NBPF26: variants seen among roughly 807,000 people sequenced by gnomAD.
NBPF26 encodes NBPF family member NBPF26.
NBPF26 carries 79 observed loss-of-function variants against 119.6 expected under a neutral mutation model. The observed-to-expected ratio is 0.66, with a 90% CI of 0.55 to 0.80. The LOEUF (loss-of-function observed/expected upper bound fraction) is 0.80. NBPF26 is among the 30% of genes least tolerant of loss of function. NBPF26 has a pLI of 0.00. For missense variants in NBPF26, 800 were observed against 1,198.2 expected (o/e 0.67, Z 4.91); for synonymous variants, 299 against 457.7 (o/e 0.65, Z 4.43).
intron 18 of NBPF26, among the ~76,000 whole-genome samples, chr1:120,825,227 G>A (rs1571046024): frequency 8.2e-6 from 1 of 122,658 alleles, no homozygotes; most frequent in Admixed American, 7.6e-5. Context: ...GTGTCCCGAG[G>A]GCACTAACTC....
rs1652016135 is a variant in NBPF26, at chr1:120,816,750, A to T, written c.2294A>T (p.Glu765Val). The T allele has an allele frequency of 9.4e-6, 13 of 1,386,214 alleles. 4 individuals carry two copies. Among genetic ancestry groups the T allele is most frequent in the Non-Finnish European group, 1.3e-5 (13 of 1,037,728 alleles). The allele number at this position is 1,386,214 out of a possible 1,614,324, so 85.9% of individuals were successfully genotyped here. ...CATAGGAAAACCAAAATCACATTTG[A>T]GGAAGACAAAGTCGACTCAACTCTC... The change falls in exon 14 of 30, where the codon GAG becomes GTG. Residue 765 changes from glutamate to valine, a missense_variant. Glu to Val is a moderately radical substitution (Grantham distance 121). Coordinates refer to ENST00000620612, the Ensembl canonical transcript of NBPF26.
chr1:120,781,648 C>T (rs1384198712), intron 2 of NBPF26, among the ~76,000 whole-genome samples: 2 of 64,588 alleles, frequency 3.1e-5, no homozygotes, highest in Admixed American at 1.4e-4. Context: ...ACTGCAACCT[C>T]CAACTTCTGG....
At chr1:120,805,627 G>A in exon 5 of NBPF26, 2 of 1,463,010 alleles carry the variant, frequency 1.4e-6, no homozygotes, top group East Asian at 2.3e-5. Context: ...CAGTGAGAAG[G>A]CAGAGATGAA....
rs1176621891 is a variant in NBPF26, at chr1:120,816,955, G to A, written c.2371+128G>A. On this transcript the variant is annotated intron_variant, in intron 14 of 29. Transcript: ENST00000620612. The stretch of plus-strand genomic sequence containing the variant: ...TGATGGGTTTCTAAACAGATATCAG[G>A]GAGTTTTTTGTCCTTCTCAGCTAAT... The A allele has an allele frequency of 2.3e-5, 27 of 1,154,022 alleles. 4 individuals are homozygous for A. The highest frequency in any genetic ancestry group is 3.1e-5 in the Non-Finnish European group (26 of 838,232). 71.5% of individuals were successfully genotyped at this position (1,154,022 alleles called of 1,614,324 possible).
rs1187524774 is a variant in NBPF26 at position 120,779,574 on chromosome 1, G to A, written c.156-5400G>A. Among the ~76,000 whole-genome samples the A allele has an allele frequency of 1.7e-4, 21 of 121,080 alleles. 4 individuals are homozygous for A. The South Asian group carries it at 2.0e-3, about 11-fold the overall frequency. The allele number at this position is 121,080 out of a possible 152,430, so 79.4% of individuals were successfully genotyped here. A position where few individuals can be genotyped will look rare whatever the true frequency, so the allele number is the denominator to read the frequency against. ...GAGGGAAACATTCATATAGTTTTGC[G>A]GATGAAAGGCATCTGTTAGATTTTT... On this transcript the variant is annotated intron_variant, in intron 2 of 29. Transcript: ENST00000620612.
intron 1 of NBPF26, among the ~76,000 whole-genome samples, chr1:120,759,894 C>T (rs1651115301): frequency 9.4e-6 from 1 of 106,834 alleles, no homozygotes; most frequent in Non-Finnish European, 1.7e-5. Flanking sequence ...ATTCACCACT[C>T]TATGCAATAT....
rs1351221349 is a variant in NBPF26, at chr1:120,785,114, A to G, written c.296A>G (p.Glu99Gly). The G allele has an allele frequency of 9.0e-6, 13 of 1,445,892 alleles. 2 individuals carry two copies. The East Asian group carries it at 9.3e-5, about 10-fold the overall frequency. 89.6% of individuals were successfully genotyped at this position (1,445,892 alleles called of 1,614,324 possible). A position where few individuals can be genotyped will look rare whatever the true frequency, so the allele number is the denominator to read the frequency against. Reference sequence around the variant, plus strand: ...CGGTGTGCCTCAGGGTTTACAGGAGAGGACTGCCAGTACTCGACACCTCAT... The same window carrying G: ...CGGTGTGCCTCAGGGTTTACAGGAGGGGACTGCCAGTACTCGACACCTCAT... Residue 99 changes from glutamate to glycine, a missense_variant, in exon 3 of 30, where the codon GAG becomes GGG. Glu to Gly is a moderately conservative substitution (Grantham distance 98). Around this residue, in one of 13 missense-constraint regions of NBPF26, gnomAD observed 209 missense variants for 285.2 expected, o/e 0.73. Transcript: ENST00000620612.
At chr1:120,808,372 C>A (rs1416812328) in intron 6 of NBPF26, among the ~76,000 whole-genome samples, 173 bp from the exon 7 acceptor site, 7 of 119,342 alleles carry the variant, frequency 5.9e-5, no homozygotes, top group Non-Finnish European at 1.6e-5. Flanking sequence ...ACAGAGGAAG[C>A]CTGTAAACCA....
rs1355056713 is a variant in NBPF26, at chr1:120,823,853, C to T, written c.2640-121C>T. On this transcript the variant is annotated intron_variant, in intron 17 of 29. Transcript: ENST00000620612. The stretch of plus-strand genomic sequence containing the variant: ...ACATAAAGGCAATAATCTGTTACCT[C>T]ATTAATGGATCTGTCCTTTTTCTTT... The T allele has an allele frequency of 7.3e-6, 4 of 550,656 alleles. 1 individual carries two copies. The highest frequency in any genetic ancestry group is 1.3e-5 in the Non-Finnish European group (4 of 311,426). The allele number at this position is 550,656 out of a possible 1,614,324, so 34.1% of individuals were successfully genotyped here.
At chr1:120,813,583 G>T (rs1408944026) in intron 10 of NBPF26, among the ~76,000 whole-genome samples, 2 of 127,992 alleles carry the variant, frequency 1.6e-5, no homozygotes, top group African/African-American at 3.6e-5. Flanking sequence ...CAAGGCTTGG[G>T]AAAGTGGCCC....
At position 120,813,488 on chromosome 1, in the gene NBPF26, T is replaced by A. The variant is rs1354557585; in HGVS notation, c.1775-403T>A. On this transcript the variant is annotated intron_variant, in intron 10 of 29. Coordinates refer to ENST00000620612, the Ensembl canonical transcript of NBPF26. ...GAAATTCCCAGTAAAAGGGAAACCA[T>A]CAGTCCCATAGTCCTAGGGGCTTTC... is the stretch of plus-strand genomic sequence containing the variant. Among the ~76,000 whole-genome samples the A allele has an allele frequency of 1.6e-5, 2 of 127,300 alleles. 1 individual carries two copies. The highest frequency in any genetic ancestry group is 3.2e-5 in the Non-Finnish European group (2 of 61,992). 83.5% of individuals were successfully genotyped at this position (127,300 alleles called of 152,430 possible).
chr1:120,728,109 G>A (rs1650835452), intron 1 of NBPF26, among the ~76,000 whole-genome samples: 1 of 116,058 alleles, frequency 8.6e-6, no homozygotes, highest in Non-Finnish European at 1.7e-5. Context: ...GTGTACAAAT[G>A]CGCTTATGTG....
chr1:120,811,162 G>A lies in NBPF26; in HGVS notation c.1564+604G>A, dbSNP rs1373480381. Among the ~76,000 whole-genome samples the A allele has an allele frequency of 1.0e-4, 11 of 106,546 alleles. 1 individual carries two copies. Among genetic ancestry groups the A allele is most frequent in the Admixed American group, 1.8e-4 (2 of 11,306 alleles). 69.9% of individuals were successfully genotyped at this position (106,546 alleles called of 152,430 possible). ...ACTCAGGAGGCTGAGGCAGGAGAAT[G>A]GCATGAACCCAGGAACCGGAGCTTG... On this transcript the variant is annotated intron_variant, in intron 9 of 29. Transcript: ENST00000620612.
Position 120,811,460 on chromosome 1 carries a change from A to C in NBPF26, c.1565-426A>C, listed in dbSNP as rs1453937078. ...CTTGGCAGGCTGAGGGATGAGAATC[A>C]CTTGAACCCGGGCGGCAGAGGTGGC... is the stretch of plus-strand genomic sequence containing the variant. On this transcript the variant is annotated intron_variant, in intron 9 of 29. Transcript: ENST00000620612. Among the ~76,000 whole-genome samples, 85 of 110,550 alleles carry C rather than the reference A, an allele frequency of 7.7e-4. 33 individuals carry two copies. Among genetic ancestry groups the C allele is most frequent in the African/African-American group, 4.4e-3 (83 of 18,790 alleles). 72.5% of individuals were successfully genotyped at this position (110,550 alleles called of 152,430 possible).
At chr1:120,816,863 C>G in intron 14 of NBPF26, 36 bp downstream of exon 14, 1 of 1,451,142 alleles carries the variant, frequency 6.9e-7, no homozygotes, top group Non-Finnish European at 9.2e-7. Flanking sequence ...ATACCTCTTT[C>G]TTGGCTGAGG....
chr1:120,733,113 T>A (rs1196882600), intron 1 of NBPF26, among the ~76,000 whole-genome samples: 2,003 of 85,040 alleles, frequency 0.024, 390 homozygotes, highest in East Asian at 0.047. Flanking sequence ...TGATTTATTT[T>A]TATATATATA....
At position 120,750,497 on chromosome 1, in the gene NBPF26, G is replaced by C. The variant is rs1174950420; in HGVS notation, c.74-13131G>C. 6.5e-5 allele frequency among the ~76,000 whole-genome samples: 7 copies of C among 107,090 alleles called. 1 individual carries two copies. The highest frequency in any genetic ancestry group is 1.2e-4 in the Non-Finnish European group (7 of 57,798). The allele number at this position is 107,090 out of a possible 152,430, so 70.3% of individuals were successfully genotyped here. A position where few individuals can be genotyped will look rare whatever the true frequency, so the allele number is the denominator to read the frequency against. On this transcript the variant is annotated intron_variant, in intron 1 of 29. Transcript: ENST00000620612. ...ATGTTAATCCTAAATATATTCTGTG[G>C]AGTACTATCAGATGCCTTGCTTTTC...
intron 18 of NBPF26, among the ~76,000 whole-genome samples, chr1:120,825,167 G>C (rs1198819480): frequency 6.3e-4 from 76 of 120,316 alleles, no homozygotes; most frequent in African/African-American, 3.8e-3. Context: ...TCTTGAGCAA[G>C]TTTATGGAAA....
chr1:120,811,036 T>G (rs1398748728), intron 9 of NBPF26, among the ~76,000 whole-genome samples: 1 of 100,148 alleles, frequency 1.0e-5, no homozygotes, highest in Non-Finnish European at 1.9e-5. Context: ...GTCAGGAGAT[T>G]GAGACCATCC....
Sources: gnomAD v4.1 joint callset for allele counts (sites outside exome capture counted in the v4.1 genomes callset) on GRCh38, gnomAD v4.1.1 for gene constraint, gnomAD v4.1.1 regional missense constraint, MANE v1.5 for transcripts, NCBI Gene and HGNC (gene_info 2026-07-23, HGNC 2026-07-21) for gene names.